The following DPP10 variants were observed in gnomAD, a reference collection of about 807,000 sequenced individuals.
DPP10 encodes inactive dipeptidyl peptidase 10.
In DPP10, 33 loss-of-function variants were observed where a neutral mutation model predicts 120.9. The ratio of observed to expected loss-of-function variants is 0.27; its 90% CI spans 0.21 to 0.37. The LOEUF (loss-of-function observed/expected upper bound fraction) is 0.37. Among genes scored for constraint, DPP10 ranks in the 10% least tolerant of loss-of-function variants. DPP10 has a pLI of 1.00. For synonymous variants in DPP10, 337 were observed against 326.1 expected, an observed-to-expected ratio of 1.03 and a Z score of -0.36; for missense variants, 816 against 942.8, an observed-to-expected ratio of 0.87 and a Z score of 1.76.
At position 114,807,722 on chromosome 2, in the gene DPP10, T is replaced by C. The variant is rs147068354; in HGVS notation, c.60+364884T>C. ...TATAGTTGTTCCAGTTCTCTGTTGCTATGTAACAAACCACTCCTAACTGGC... is the reference window on the plus strand; with the variant it reads ...TATAGTTGTTCCAGTTCTCTGTTGCCATGTAACAAACCACTCCTAACTGGC... On this transcript the variant is annotated intron_variant, in intron 1 of 25. Coordinates refer to ENST00000410059, the MANE Select transcript of DPP10 (RefSeq NM_020868.6). 1.8e-3 allele frequency among the ~76,000 whole-genome samples: 280 copies of C among 152,350 alleles called. 4 individuals are homozygous for C. Among genetic ancestry groups the C allele is most frequent in the African/African-American group, 6.4e-3 (267 of 41,586 alleles).
chr2:115,279,655 CTTTTT>C (rs70941039), intron 1 of DPP10, among the ~76,000 whole-genome samples: 2 of 42,720 alleles, frequency 4.7e-5, no homozygotes, highest in Non-Finnish European at 7.6e-5. Flanking sequence ...TTTTCTTCTT[CTTTTT>C]TTTTTTTTTT....
chr2:114,866,371 ATCTTC>A (rs906111585), intron 1 of DPP10, among the ~76,000 whole-genome samples: 7 of 152,090 alleles, frequency 4.6e-5, no homozygotes, highest in Non-Finnish European at 8.8e-5. Context: ...TGAAAAAAAA[ATCTTC>A]TCTTCTAATA....
chr2:115,554,446 A>T (rs2080082069), intron 5 of DPP10, among the ~76,000 whole-genome samples: 1 of 152,028 alleles, frequency 6.6e-6, no homozygotes, highest in South Asian at 2.1e-4. Flanking sequence ...TTCTTGGGCA[A>T]CATCACTTTG....
chr2:114,872,283 C>T lies in DPP10; in HGVS notation c.60+429445C>T, dbSNP rs180706721. Among the ~76,000 whole-genome samples the T allele has an allele frequency of 2.7e-4, 41 of 152,138 alleles. No individual in the cohort carries two copies. In the East Asian group the frequency reaches 4.8e-3, roughly 18 times the overall value. On this transcript the variant is annotated intron_variant, in intron 1 of 25. Coordinates refer to ENST00000410059, the MANE Select transcript of DPP10 (RefSeq NM_020868.6). ...GGCAACAGGAGAGAGAAGTGCTCAGCGGAGGGGGAGAAAAACCTTTATAAA... is the reference window on the plus strand; with the variant it reads ...GGCAACAGGAGAGAGAAGTGCTCAGTGGAGGGGGAGAAAAACCTTTATAAA...
intron 5 of DPP10, among the ~76,000 whole-genome samples, chr2:115,674,346 G>A (rs981092608): frequency 6.6e-6 from 1 of 150,478 alleles, no homozygotes; most frequent in Non-Finnish European, 1.5e-5. Context: ...GCACAAGTGG[G>A]CACAGAAATA....
At chr2:115,368,716 C>G (rs986329786) in intron 3 of DPP10, among the ~76,000 whole-genome samples, 12 of 151,756 alleles carry the variant, frequency 7.9e-5, no homozygotes, top group African/African-American at 2.4e-4. Flanking sequence ...CAAAAGGCTG[C>G]ATGTTATTAT....
intron 1 of DPP10, among the ~76,000 whole-genome samples, chr2:114,748,879 T>C: frequency 1.0e-5 from 1 of 97,560 alleles, no homozygotes; most frequent in African/African-American, 4.3e-5. Context: ...TGCATGTGTC[T>C]TTATAGCAGC....
chr2:114,534,553 TAACAGCAGAAATCTGACTGCCAGAGC>T (rs1686325399), intron 1 of DPP10, among the ~76,000 whole-genome samples: 1 of 152,240 alleles, frequency 6.6e-6, no homozygotes, highest in Non-Finnish European at 1.5e-5. Context: ...CTTCCTCCTG[TAACAGCAGAAATCTGACTGCCAGAGC>T]AACTGTCTTG....
At chr2:114,454,307 T>A (rs981586536) in intron 1 of DPP10, among the ~76,000 whole-genome samples, 1 of 152,200 alleles carries the variant, frequency 6.6e-6, no homozygotes, top group African/African-American at 2.4e-5. Flanking sequence ...CAAACCATGA[T>A]GCTTTTCTAG....
At chr2:115,338,965 T>G (rs1259536879) in intron 2 of DPP10, among the ~76,000 whole-genome samples, 7 of 152,152 alleles carry the variant, frequency 4.6e-5, no homozygotes. Flanking sequence ...ATCTCATAAA[T>G]ATTGATACCT....
intron 1 of DPP10, among the ~76,000 whole-genome samples, chr2:114,823,297 G>A (rs1686251454): frequency 6.6e-6 from 1 of 152,066 alleles, no homozygotes; most frequent in South Asian, 2.1e-4. Flanking sequence ...AAAACCATCA[G>A]ATCTCATGAA....
intron 1 of DPP10, chr2:115,161,883 C>T: frequency 7.3e-7 from 1 of 1,375,110 alleles, no homozygotes; most frequent in Non-Finnish European, 9.4e-7. Flanking sequence ...CCGTGACCTG[C>T]GAACGCTGCC....
intron 5 of DPP10, among the ~76,000 whole-genome samples, chr2:115,668,181 G>A (rs903022099): frequency 6.6e-6 from 1 of 152,028 alleles, no homozygotes; most frequent in African/African-American, 2.4e-5. Context: ...ATTATAGGGA[G>A]TTGTGCCAAT....
chr2:115,590,344 T>C (rs2082572827), intron 5 of DPP10, among the ~76,000 whole-genome samples: 2 of 151,816 alleles, frequency 1.3e-5, no homozygotes, highest in South Asian at 4.2e-4. Flanking sequence ...CAGGCTCCAG[T>C]GTTTGATGTT....
At chr2:115,287,337 G>A (rs186599484) in intron 1 of DPP10, among the ~76,000 whole-genome samples, 331 of 152,062 alleles carry the variant, frequency 2.2e-3, no homozygotes, top group African/African-American at 7.4e-3. Flanking sequence ...AGTCGTGCTG[G>A]GTTATGTGGA....
At position 115,739,831 on chromosome 2, in the gene DPP10, A is replaced by G. The variant is rs773883773; in HGVS notation, c.790A>G (p.Met264Val). 13 of 1,613,564 alleles carry G rather than the reference A, an allele frequency of 8.1e-6. No individual in the cohort carries two copies. The Middle Eastern group carries it at 6.6e-4, about 82-fold the overall frequency. ...LMINDSLVPT[M>V]VIPRFTGALY... is the part of the protein sequence containing the mutation. ...GATAAATGACTCTTTGGTACCCACC[A>G]TGGTTATCCCTCGGTTTACTGGAGC... Residue 264 changes from methionine to valine, a missense_variant, in exon 9 of 26, where the codon ATG becomes GTG. By Grantham distance (21) the Met-to-Val change is conservative. This residue lies in a region of DPP10 where 592 missense variants were observed against 649.0 expected (regional missense o/e 0.91). Transcript: ENST00000410059.
At chr2:114,736,307 A>T (rs1474159272) in intron 1 of DPP10, among the ~76,000 whole-genome samples, 1 of 152,010 alleles carries the variant, frequency 6.6e-6, no homozygotes, top group East Asian at 1.9e-4. Flanking sequence ...TTCGAGTTCA[A>T]TTCTGAGTTT....
At chr2:115,828,365 G>A (rs912060928) in intron 21 of DPP10, among the ~76,000 whole-genome samples, 1 of 151,712 alleles carries the variant, frequency 6.6e-6, no homozygotes, top group Non-Finnish European at 1.5e-5. Context: ...TTCTTCATAT[G>A]TCTTACGCTT....
At chr2:114,493,676 T>C (rs1355169730) in intron 1 of DPP10, among the ~76,000 whole-genome samples, 1 of 152,082 alleles carries the variant, frequency 6.6e-6, no homozygotes, top group Admixed American at 6.6e-5. Flanking sequence ...ACATGGGAAA[T>C]GAATTATAAT....
Sources: allele counts gnomAD v4.1 joint callset (sites outside exome capture counted in the v4.1 genomes callset), GRCh38; gene constraint gnomAD v4.1.1; regional missense constraint gnomAD v4.1.1; transcripts MANE v1.5; gene names NCBI Gene and HGNC (gene_info 2026-07-23, HGNC 2026-07-21).